The following NUP155 variants were observed in gnomAD, a reference collection of about 807,000 sequenced individuals.
NUP155 encodes nucleoporin 155, also known as nuclear pore complex protein Nup155.
A neutral mutation model predicts 180.4 loss-of-function variants in NUP155; 71 were observed. That is an observed-to-expected ratio of 0.39 (90% confidence interval 0.33 to 0.48). NUP155 has a LOEUF of 0.48. Ranked by LOEUF, NUP155 falls within the 20% of genes least tolerant of loss-of-function variation. The probability of loss-of-function intolerance (pLI) is 0.91; values close to 1 mark genes in which losing one functional copy is unlikely to be tolerated. For missense variants in NUP155, 1,553 were observed against 1,648.9 expected (o/e 0.94, Z 1.01); for synonymous variants, 582 against 559.5 (o/e 1.04, Z -0.57).
intron 4 of NUP155, among the ~76,000 whole-genome samples, chr5:37,356,223 C>T (rs1377082046): frequency 7.3e-6 from 1 of 137,310 alleles, no homozygotes; most frequent in Non-Finnish European, 1.6e-5. Flanking sequence ...GAGCAAAATT[C>T]CATCTCAAAA....
chr5:37,302,455 C>T (rs1455863880), intron 29 of NUP155, among the ~76,000 whole-genome samples: 3 of 152,164 alleles, frequency 2.0e-5, no homozygotes, highest in East Asian at 1.9e-4. Flanking sequence ...AGGCTGGTCT[C>T]GAACTTCTGA....
At position 37,327,253 on chromosome 5, in the gene NUP155, G is replaced by A. The variant is rs1448486410; in HGVS notation, c.2024+376C>T. On this transcript the variant is annotated intron_variant, in intron 18 of 34. Coordinates refer to ENST00000231498, the MANE Select transcript of NUP155 (RefSeq NM_153485.3). ...AAAACACAAAAAACATACAAAACGT[G>A]TTAATTGATTACTTATCAGTGAGGC... The A allele has an allele frequency of 1.1e-5, 3 of 281,002 alleles. No homozygotes were observed. The Admixed American group carries it at 1.5e-4, about 14-fold the overall frequency. 17.4% of individuals were successfully genotyped at this position (281,002 alleles called of 1,614,324 possible). A position where few individuals can be genotyped will look rare whatever the true frequency, so the allele number is the denominator to read the frequency against.
intron 22 of NUP155, among the ~76,000 whole-genome samples, chr5:37,311,661 G>C (rs571831299): frequency 6.7e-6 from 1 of 149,846 alleles, no homozygotes; most frequent in Non-Finnish European, 1.5e-5. Context: ...CAAGGAAAAA[G>C]AATTTTTTTT....
chr5:37,347,601 C>G (rs1746178636), intron 9 of NUP155, among the ~76,000 whole-genome samples: 1 of 149,736 alleles, frequency 6.7e-6, no homozygotes, highest in Non-Finnish European at 1.5e-5. Context: ...GAGGCTACGG[C>G]AGGAGAATCA....
intron 1 of NUP155, among the ~76,000 whole-genome samples, chr5:37,368,868 T>G (rs530499074): frequency 6.6e-6 from 1 of 151,990 alleles, no homozygotes; most frequent in South Asian, 2.1e-4. Flanking sequence ...AAAACATAAC[T>G]TTAATAGGCC....
Position 37,371,042 on chromosome 5 carries a change from CAAG to C in NUP155, c.-68_-66del, listed in dbSNP as rs1333459282. ...AACCAAGGAGAAACAAGAAAAGATC[CAAG>C]AAGTTAGCTTAGATCCGCCGCCTAG... On this transcript the variant is annotated 5_prime_UTR_variant, in exon 1 of 35. Coordinates refer to ENST00000231498, the MANE Select transcript of NUP155 (RefSeq NM_153485.3). The C allele has an allele frequency of 6.4e-7, 1 of 1,567,070 alleles. No individual in the cohort carries two copies. Among genetic ancestry groups the C allele is most frequent in the African/African-American group, 1.4e-5 (1 of 73,884 alleles).
At chr5:37,369,986 GCA>G (rs1423497115) in intron 1 of NUP155, among the ~76,000 whole-genome samples, 4 of 152,262 alleles carry the variant, frequency 2.6e-5, no homozygotes, top group Admixed American at 2.6e-4. Context: ...CTGTACATAA[GCA>G]CTGTGATTTC....
intron 4 of NUP155, among the ~76,000 whole-genome samples, chr5:37,355,495 G>A (rs1186520020): frequency 6.6e-5 from 10 of 151,456 alleles, no homozygotes; most frequent in Non-Finnish European, 1.5e-4. Context: ...GGGTGACAGT[G>A]AGACACTGTT....
intron 4 of NUP155, among the ~76,000 whole-genome samples, 153 bp downstream of exon 4, chr5:37,357,928 G>A (rs1321502444): frequency 6.6e-6 from 1 of 152,182 alleles, no homozygotes; most frequent in Non-Finnish European, 1.5e-5. Flanking sequence ...AGGAGGCGGA[G>A]ATTGCAGTGA....
intron 21 of NUP155, among the ~76,000 whole-genome samples, chr5:37,317,037 C>T (rs1249187812): frequency 6.0e-5 from 9 of 150,632 alleles, no homozygotes; most frequent in South Asian, 2.1e-4. Flanking sequence ...GGTGTGGTGG[C>T]GGGCGCCTGT....
At chr5:37,346,099 A>G (rs1304812376) in intron 9 of NUP155, among the ~76,000 whole-genome samples, 1 of 152,078 alleles carries the variant, frequency 6.6e-6, no homozygotes, top group Non-Finnish European at 1.5e-5. Flanking sequence ...TGAGCAAGAT[A>G]GCAAGACCCC....
At chr5:37,348,646 ATAT>A in intron 8 of NUP155, 50 bp from the exon 9 acceptor site, 1 of 1,016,708 alleles carries the variant, frequency 9.8e-7, no homozygotes, top group Non-Finnish European at 1.6e-6. Flanking sequence ...TACTATACAC[ATAT>A]TATTAAACTC....
rs1337042343 is a variant in NUP155 at position 37,370,879 on chromosome 5, C to A, written c.99G>T (p.Gln33His). The change falls in exon 1 of 35, where the codon CAG becomes CAT. Residue 33 changes from glutamine (Q) to histidine (H), a missense_variant. Transcript: ENST00000231498. ...LENAGRLIDR[Q>H]LQEDRMYPDL... ...CCGGGTACATGCGGTCCTCTTGCAA[C>A]TGACGGTCGATGAGCCGTCCAGCAT... 1 of 1,614,124 alleles carries A rather than the reference C, an allele frequency of 6.2e-7. No individual in the cohort carries two copies. The highest frequency in any genetic ancestry group is 1.3e-5 in the African/African-American group (1 of 74,946).
intron 2 of NUP155, 111 bp downstream of exon 2, chr5:37,364,136 T>C (rs1747394955): frequency 8.8e-7 from 1 of 1,137,756 alleles, no homozygotes; most frequent in Non-Finnish European, 1.3e-6. Context: ...GAATTTTAAA[T>C]AAAACCCTTA....
At chr5:37,368,852 A>T (rs1747777148) in intron 1 of NUP155, among the ~76,000 whole-genome samples, 1 of 152,130 alleles carries the variant, frequency 6.6e-6, no homozygotes, top group African/African-American at 2.4e-5. Flanking sequence ...CATCCCATTT[A>T]ATCCTAAAAC....
intron 18 of NUP155, among the ~76,000 whole-genome samples, chr5:37,326,706 A>G (rs1581164769): frequency 6.6e-6 from 1 of 152,208 alleles, no homozygotes; most frequent in East Asian, 1.9e-4. Context: ...GAGTCTAGCC[A>G]AGATAAGCAT....
intron 13 of NUP155, among the ~76,000 whole-genome samples, chr5:37,332,473 C>A (rs762348327): frequency 1.5e-4 from 23 of 151,902 alleles, no homozygotes; most frequent in Admixed American, 3.9e-4. Flanking sequence ...AGGCGCCCAC[C>A]ACCATGCCCG....
chr5:37,369,088 C>A (rs538697125), intron 1 of NUP155, among the ~76,000 whole-genome samples: 53 of 152,176 alleles, frequency 3.5e-4, no homozygotes, highest in African/African-American at 1.2e-3. Flanking sequence ...TACGTCTCTA[C>A]ATAAAAATTA....
At chr5:37,342,437 G>A in intron 10 of NUP155, 112 bp downstream of exon 10, 2 of 679,948 alleles carry the variant, frequency 2.9e-6, no homozygotes, top group Non-Finnish European at 5.2e-6. Flanking sequence ...CTATTTATAT[G>A]GCTTTACGGC....
Sources: allele counts gnomAD v4.1 joint callset (sites outside exome capture counted in the v4.1 genomes callset), GRCh38; gene constraint gnomAD v4.1.1; transcripts MANE v1.5; gene names NCBI Gene and HGNC (gene_info 2026-07-23, HGNC 2026-07-21).